PARD3: variants seen among roughly 807,000 people sequenced by gnomAD.
PARD3 encodes the protein partitioning defective 3 homolog.
In PARD3, 75 loss-of-function variants were observed where a neutral mutation model predicts 155.4. The observed-to-expected ratio is 0.48, with a 90% CI of 0.40 to 0.58. PARD3 has a LOEUF of 0.58. Ranked by LOEUF, PARD3 falls within the 20% of genes least tolerant of loss-of-function variation. The probability of loss-of-function intolerance (pLI) is 0.00; values close to 1 mark genes in which losing one functional copy is unlikely to be tolerated. For synonymous variants in PARD3, 576 were observed against 610.5 expected, an observed-to-expected ratio of 0.94 and a Z score of 0.83; for missense variants, 1,642 against 1,721.7, an observed-to-expected ratio of 0.95 and a Z score of 0.82.
At chr10:34,274,162 C>T (rs1351638545) in intron 21 of PARD3, among the ~76,000 whole-genome samples, 1 of 152,128 alleles carries the variant, frequency 6.6e-6, no homozygotes, top group African/African-American at 2.4e-5. Flanking sequence ...TGTTCTAGAT[C>T]CTAGTAACTC....
At chr10:34,329,507 T>C (rs1011511165) in intron 19 of PARD3, among the ~76,000 whole-genome samples, 2 of 152,178 alleles carry the variant, frequency 1.3e-5, no homozygotes, top group Non-Finnish European at 2.9e-5. Flanking sequence ...CGAAAGCTTA[T>C]ATGACTCAGG....
intron 3 of PARD3, among the ~76,000 whole-genome samples, chr10:34,492,354 G>A (rs892833582): frequency 3.9e-5 from 6 of 152,032 alleles, no homozygotes; most frequent in Admixed American, 3.9e-4. Context: ...TCAAAACACC[G>A]ATTCAAACAG....
chr10:34,327,562 C>A (rs1254920373), intron 19 of PARD3, among the ~76,000 whole-genome samples: 2 of 152,172 alleles, frequency 1.3e-5, no homozygotes, highest in Non-Finnish European at 2.9e-5. Context: ...ATGTGTCTTA[C>A]TTGTAAAGAG....
chr10:34,228,399 C>T lies in PARD3; in HGVS notation c.3419+41258G>A, dbSNP rs77506358. ...TTCCACGTGTACCCCCGAACCAAAA[C>T]ATAAAAGCTGGAAGAAAAATAAAAA... On this transcript the variant is annotated intron_variant, in intron 22 of 24. Coordinates refer to ENST00000374788, the MANE Select transcript of PARD3 (RefSeq NM_001184785.2). Among the ~76,000 whole-genome samples the T allele has an allele frequency of 1.9e-3, 290 of 152,040 alleles. 11 individuals are homozygous for T. The East Asian group carries it at 0.045, about 24-fold the overall frequency.
intron 2 of PARD3, among the ~76,000 whole-genome samples, chr10:34,593,422 T>C (rs2088915494): frequency 1.3e-5 from 2 of 152,108 alleles, no homozygotes; most frequent in African/African-American, 2.4e-5. Context: ...AAATAAACCA[T>C]ACCAATATTC....
intron 1 of PARD3, among the ~76,000 whole-genome samples, chr10:34,739,216 G>C (rs1446249468): frequency 3.3e-5 from 5 of 152,294 alleles, no homozygotes; most frequent in South Asian, 2.1e-4. Context: ...AATAAATTCT[G>C]AAGTTTAGTT....
chr10:34,526,244 C>T lies in PARD3; in HGVS notation c.223-9085G>A, dbSNP rs34658046. ...CCACCAAAACCCACAGCACCAATCA[C>T]AATGTTAAACGTTAGTGAGCAAGCA... On this transcript the variant is annotated intron_variant, in intron 2 of 24. Transcript: ENST00000374788. 4.7e-3 allele frequency among the ~76,000 whole-genome samples: 720 copies of T among 152,202 alleles called. 3 individuals carry two copies. Among genetic ancestry groups the T allele is most frequent in the Non-Finnish European group, 6.6e-3 (450 of 67,996 alleles).
Position 34,160,509 on chromosome 10 carries a change from T to A in PARD3, c.3420-28926A>T, listed in dbSNP as rs548042217. Among the ~76,000 whole-genome samples, 17 of 152,358 alleles carry A rather than the reference T, an allele frequency of 1.1e-4. No homozygotes were observed. The South Asian group carries it at 3.5e-3, about 32-fold the overall frequency. ...ATTTTTAAAAAATGTGCTAAAATAATGGGCAATTGAAACATTCTGAAATTA... is the reference window on the plus strand; with the variant it reads ...ATTTTTAAAAAATGTGCTAAAATAAAGGGCAATTGAAACATTCTGAAATTA... On this transcript the variant is annotated intron_variant, in intron 22 of 24. Transcript: ENST00000374788.
chr10:34,359,875 A>C (rs1839273786), intron 13 of PARD3, among the ~76,000 whole-genome samples, 196 bp downstream of exon 13: 1 of 152,200 alleles, frequency 6.6e-6, no homozygotes, highest in African/African-American at 2.4e-5. Context: ...TCTGTGAGAG[A>C]AAAAATGAAA....
intron 5 of PARD3, among the ~76,000 whole-genome samples, chr10:34,421,371 A>G (rs991989912): frequency 1.5e-4 from 23 of 149,938 alleles, no homozygotes; most frequent in African/African-American, 5.4e-4. Flanking sequence ...GTATTTAATT[A>G]TAATTTGTAA....
chr10:34,553,581 T>G (rs901761682), intron 2 of PARD3, among the ~76,000 whole-genome samples: 1 of 152,186 alleles, frequency 6.6e-6, no homozygotes, highest in Non-Finnish European at 1.5e-5. Flanking sequence ...TACTGGCATG[T>G]TGGGTTCTCA....
intron 2 of PARD3, among the ~76,000 whole-genome samples, chr10:34,665,733 G>A (rs1590506544): frequency 6.6e-6 from 1 of 151,094 alleles, no homozygotes; most frequent in South Asian, 2.1e-4. Context: ...AGCTACTCAG[G>A]AGGCTGAAGC....
At chr10:34,310,166 T>C (rs1483092115) in intron 20 of PARD3, among the ~76,000 whole-genome samples, 1 of 152,204 alleles carries the variant, frequency 6.6e-6, no homozygotes, top group Non-Finnish European at 1.5e-5. Context: ...TGATCTATTA[T>C]ATTTAATGTA....
chr10:34,764,816 T>C (rs1837880453), intron 1 of PARD3, among the ~76,000 whole-genome samples: 2 of 152,200 alleles, frequency 1.3e-5, no homozygotes, highest in Admixed American at 6.5e-5. Context: ...CTGAGACAGC[T>C]CTTATAGATA....
chr10:34,741,509 T>G (rs998069793), intron 1 of PARD3, among the ~76,000 whole-genome samples: 1 of 151,986 alleles, frequency 6.6e-6, no homozygotes, highest in African/African-American at 2.4e-5. Flanking sequence ...AAAAGAAAAT[T>G]CTGGGTAAAG....
intron 3 of PARD3, 101 bp downstream of exon 3, chr10:34,516,878 A>T: frequency 1.7e-6 from 2 of 1,157,698 alleles, no homozygotes; most frequent in Non-Finnish European, 2.5e-6. Context: ...TTTGAATAAA[A>T]CAGATAATTA....
intron 22 of PARD3, among the ~76,000 whole-genome samples, chr10:34,210,002 T>C (rs1356982716): frequency 6.6e-6 from 1 of 152,198 alleles, no homozygotes. Flanking sequence ...ATATATTTTA[T>C]ATGCTGTAAA....
chr10:34,569,586 T>C (rs925977283), intron 2 of PARD3, among the ~76,000 whole-genome samples: 1 of 151,912 alleles, frequency 6.6e-6, no homozygotes, highest in African/African-American at 2.4e-5. Context: ...CCCAGCTAAT[T>C]TTTTGTATTT....
At chr10:34,482,875 G>A (rs1327117375) in intron 3 of PARD3, among the ~76,000 whole-genome samples, 1 of 152,046 alleles carries the variant, frequency 6.6e-6, no homozygotes, top group Non-Finnish European at 1.5e-5. Context: ...AATGCAAGGT[G>A]CAGTGGCTCA....
Sources: allele counts gnomAD v4.1 joint callset (sites outside exome capture counted in the v4.1 genomes callset), GRCh38; gene constraint gnomAD v4.1.1; transcripts MANE v1.5; gene names NCBI Gene and HGNC (gene_info 2026-07-23, HGNC 2026-07-21).